The following ABAT variants were observed in gnomAD, a reference collection of about 807,000 sequenced individuals.
The protein encoded by ABAT is 4-aminobutyrate aminotransferase, mitochondrial.
A neutral mutation model predicts 64.6 loss-of-function variants in ABAT; 45 were observed. The ratio of observed to expected loss-of-function variants is 0.70; its 90% CI spans 0.55 to 0.89. The LOEUF (loss-of-function observed/expected upper bound fraction) is 0.89. Ranked by LOEUF, ABAT falls within the 40% of genes least tolerant of loss-of-function variation. The pLI is 0.00. For missense variants in ABAT, 633 were observed against 658.4 expected, an observed-to-expected ratio of 0.96 and a Z score of 0.42; for synonymous variants, 297 against 250.5, an observed-to-expected ratio of 1.19 and a Z score of -1.75.
chr16:8,738,092 A>T (rs1293056887), intron 2 of ABAT, among the ~76,000 whole-genome samples: 1 of 151,552 alleles, frequency 6.6e-6, no homozygotes, highest in Non-Finnish European at 1.5e-5. Flanking sequence ...AGGCTGAGGC[A>T]GGAGGATCGC....
intron 11 of ABAT, among the ~76,000 whole-genome samples, chr16:8,770,049 A>G (rs1211678225): frequency 2.0e-5 from 3 of 152,214 alleles, no homozygotes; most frequent in African/African-American, 7.2e-5. Context: ...TGCAAGCCAC[A>G]TATGTAATTA....
rs562413485 is a variant in ABAT at position 8,676,044 on chromosome 16, G to A, written c.-42+1333G>A. Among the ~76,000 whole-genome samples the A allele has an allele frequency of 2.6e-5, 4 of 152,180 alleles. No individual in the cohort carries two copies. The South Asian group carries it at 8.3e-4, about 32-fold the overall frequency. On this transcript the variant is annotated intron_variant, in intron 1 of 15. Transcript: ENST00000268251. ...CAGGATGTTGGTGACCTGGGGGTGGGGAGGGGGTGGGAAGAGCTCTTCTCT... is the reference window on the plus strand; with the variant it reads ...CAGGATGTTGGTGACCTGGGGGTGGAGAGGGGGTGGGAAGAGCTCTTCTCT...
At chr16:8,779,719 C>CT (rs2060377035) in intron 15 of ABAT, 129 bp downstream of exon 15, 1 of 732,192 alleles carries the variant, frequency 1.4e-6, no homozygotes. Context: ...TGAAAAGAGC[C>CT]TGAATGCTCT....
At chr16:8,699,688 A>T (rs923923501) in intron 1 of ABAT, among the ~76,000 whole-genome samples, 1 of 152,102 alleles carries the variant, frequency 6.6e-6, no homozygotes, top group Non-Finnish European at 1.5e-5. Context: ...CATCCTCCTG[A>T]GTAGCTGGGA....
chr16:8,722,007 T>A (rs764324617), intron 1 of ABAT, among the ~76,000 whole-genome samples: 3 of 152,232 alleles, frequency 2.0e-5, no homozygotes, highest in Admixed American at 1.3e-4. Context: ...TACCAGCATT[T>A]GCTATGTACC....
intron 1 of ABAT, among the ~76,000 whole-genome samples, chr16:8,683,824 A>G (rs34165726): frequency 0.59 from 88,964 of 151,520 alleles, 26,473 homozygotes; most frequent in East Asian, 0.77. Context: ...CTCCCTTTTG[A>G]TGGCTTATCT....
intron 2 of ABAT, among the ~76,000 whole-genome samples, chr16:8,745,552 C>T (rs1450065276): frequency 6.6e-6 from 1 of 151,860 alleles, no homozygotes; most frequent in Non-Finnish European, 1.5e-5. Flanking sequence ...CCAAAATTAG[C>T]CAGGCATGGT....
intron 6 of ABAT, among the ~76,000 whole-genome samples, chr16:8,759,973 T>A (rs1423392580): frequency 6.6e-6 from 1 of 152,220 alleles, no homozygotes. Flanking sequence ...AGACTGTGTA[T>A]CCTCATGGCT....
intron 9 of ABAT, among the ~76,000 whole-genome samples, 175 bp from the exon 10 acceptor site, chr16:8,768,018 C>G (rs1209420241): frequency 6.6e-6 from 1 of 151,940 alleles, no homozygotes; most frequent in African/African-American, 2.4e-5. Flanking sequence ...AGTATGTATG[C>G]AAATAAAACG....
chr16:8,765,363 T>C (rs2059914614), intron 8 of ABAT, among the ~76,000 whole-genome samples: 1 of 146,826 alleles, frequency 6.8e-6, no homozygotes, highest in South Asian at 2.1e-4. Flanking sequence ...AAGAAAATGC[T>C]CCTTAAATTC....
intron 5 of ABAT, among the ~76,000 whole-genome samples, chr16:8,753,670 C>T (rs1024690793): frequency 3.3e-5 from 5 of 152,312 alleles, no homozygotes; most frequent in African/African-American, 7.2e-5. Context: ...CCTTTGGCCC[C>T]GAAACAGTTG....
At chr16:8,770,915 A>G (rs964905314) in intron 11 of ABAT, among the ~76,000 whole-genome samples, 1 of 152,186 alleles carries the variant, frequency 6.6e-6, no homozygotes, top group African/African-American at 2.4e-5. Flanking sequence ...TCATTTATTT[A>G]GGTCTAAACA....
intron 5 of ABAT, among the ~76,000 whole-genome samples, chr16:8,755,650 C>G (rs2142818173): frequency 6.6e-6 from 1 of 152,262 alleles, no homozygotes; most frequent in Non-Finnish European, 1.5e-5. Context: ...GTGGCTCACA[C>G]CTGTAATCCT....
At chr16:8,709,826 C>CTT (rs35255805) in intron 1 of ABAT, among the ~76,000 whole-genome samples, 95,652 of 145,826 alleles carry the variant, frequency 0.66, 32,180 homozygotes, top group East Asian at 0.76. Flanking sequence ...AGTCAGTTAA[C>CTT]TTTTTTTTTT....
At chr16:8,725,330 T>C (rs2058518027) in intron 1 of ABAT, among the ~76,000 whole-genome samples, 1 of 152,174 alleles carries the variant, frequency 6.6e-6, no homozygotes, top group Non-Finnish European at 1.5e-5. Context: ...CCAGATTTTT[T>C]TCATCACCCC....
chr16:8,689,798 A>T (rs1300900585), intron 1 of ABAT, among the ~76,000 whole-genome samples: 1 of 152,234 alleles, frequency 6.6e-6, no homozygotes, highest in African/African-American at 2.4e-5. Flanking sequence ...GCATCTGCAA[A>T]GACTGAGTAG....
At chr16:8,698,917 G>T (rs543514931) in intron 1 of ABAT, among the ~76,000 whole-genome samples, 3 of 152,310 alleles carry the variant, frequency 2.0e-5, no homozygotes, top group Admixed American at 2.0e-4. Flanking sequence ...CTGCACTCCA[G>T]CCTGGGCAAT....
rs778974775 is a variant in ABAT, at chr16:8,772,892, G to A, written c.929G>A (p.Arg310Gln). 3.0e-5 allele frequency: 48 copies of A among 1,613,836 alleles called. No individual in the cohort carries two copies. The highest frequency in any genetic ancestry group is 4.0e-5 in the African/African-American group (3 of 74,860). The change falls in exon 12 of 16, where the codon CGG becomes CAG. Residue 310 changes from arginine to glutamine, a missense_variant. By Grantham distance (43) the Arg-to-Gln change is conservative. Coordinates refer to ENST00000268251, the MANE Select transcript of ABAT (RefSeq NM_020686.6). ...AACCACGCATCCGATGACTTCTTTCGGAAGCTGAGAGACATCGCCAGGAAG... is the reference window on the plus strand; with the variant it reads ...AACCACGCATCCGATGACTTCTTTCAGAAGCTGAGAGACATCGCCAGGAAG... Reference protein sequence around the residue: ...GDNHASDDFFRKLRDIARKHG... With the variant: ...GDNHASDDFFQKLRDIARKHG...
intron 1 of ABAT, among the ~76,000 whole-genome samples, chr16:8,697,033 G>A (rs368190576): frequency 6.6e-6 from 1 of 152,174 alleles, no homozygotes; most frequent in Non-Finnish European, 1.5e-5. Context: ...CTGGCGGAGA[G>A]GGACCGATGA....
Sources: gnomAD v4.1 joint callset for allele counts (sites outside exome capture counted in the v4.1 genomes callset) on GRCh38, gnomAD v4.1.1 for gene constraint, MANE v1.5 for transcripts, NCBI Gene and HGNC (gene_info 2026-07-23, HGNC 2026-07-21) for gene names.